The following BRAF variants were observed in gnomAD, a reference collection of about 807,000 sequenced individuals.
BRAF encodes serine/threonine-protein kinase B-raf.
A neutral mutation model predicts 104.6 loss-of-function variants in BRAF; 16 were observed. The ratio of observed to expected loss-of-function variants is 0.15; its 90% CI spans 0.10 to 0.23. The LOEUF is 0.23. BRAF is among the 10% of genes least tolerant of loss of function. The pLI, the probability that BRAF is intolerant of heterozygous loss-of-function variation, is 1.00. For synonymous variants in BRAF, 310 were observed against 341.6 expected (o/e 0.91, Z 1.02); for missense variants, 541 against 937.3 (o/e 0.58, Z 5.52).
rs547790663 is a variant in BRAF, at chr7:140,847,507, T to C, written c.240+2604A>G. Among the ~76,000 whole-genome samples the C allele has an allele frequency of 1.1e-4, 16 of 151,690 alleles. No homozygotes were observed. The South Asian group carries it at 1.5e-3, about 14-fold the overall frequency. Reference sequence around the variant, plus strand: ...CTGAGGTAGGAAAATTGCTTGAACCTGGGAGGTGGAGGTTGCAGTGAGCCA... The same window carrying C: ...CTGAGGTAGGAAAATTGCTTGAACCCGGGAGGTGGAGGTTGCAGTGAGCCA... On this transcript the variant is annotated intron_variant, in intron 2 of 19. Coordinates refer to ENST00000644969, the MANE Select transcript of BRAF (RefSeq NM_001374258.1).
chr7:140,914,896 C>G (rs561115164), intron 1 of BRAF, among the ~76,000 whole-genome samples: 1 of 136,890 alleles, frequency 7.3e-6, no homozygotes, highest in African/African-American at 2.7e-5. Context: ...AAAAATTAGC[C>G]GGGCATGGTG....
chr7:140,794,245 A>G, intron 8 of BRAF, 63 bp downstream of exon 8: 1 of 1,578,062 alleles, frequency 6.3e-7, no homozygotes, highest in Non-Finnish European at 8.7e-7. Context: ...AGTTATAATT[A>G]TAGCAGAAAA....
At chr7:140,903,001 C>T (rs916751481) in intron 1 of BRAF, among the ~76,000 whole-genome samples, 2 of 150,982 alleles carry the variant, frequency 1.3e-5, no homozygotes, top group African/African-American at 2.4e-5. Context: ...CTCGGCTCAC[C>T]GCAACCTCTG....
Position 140,723,122 on chromosome 7 carries a change from G to C in BRAF, c.*3372C>G. ...CACCTGAACCCTGCAATGTGGTTTC[G>C]AACTAAAGCTAGAGATGAGGTTTGC... On this transcript the variant is annotated 3_prime_UTR_variant, in exon 20 of 20. Transcript: ENST00000644969. 1 of 1,050,956 alleles carries C rather than the reference G, an allele frequency of 9.5e-7. No individual in the cohort carries two copies. The highest frequency in any genetic ancestry group is 1.1e-6 in the Non-Finnish European group (1 of 870,428). 65.1% of individuals were successfully genotyped at this position (1,050,956 alleles called of 1,614,324 possible).
intron 1 of BRAF, among the ~76,000 whole-genome samples, chr7:140,887,739 G>A (rs2129111456): frequency 6.6e-6 from 1 of 152,170 alleles, no homozygotes; most frequent in African/African-American, 2.4e-5. Context: ...TTGAGATGTA[G>A]GGTTTCACTC....
chr7:140,874,845 T>C (rs1030673146), intron 1 of BRAF, among the ~76,000 whole-genome samples: 1 of 152,208 alleles, frequency 6.6e-6, no homozygotes, highest in Non-Finnish European at 1.5e-5. Flanking sequence ...CGGTTTCCCA[T>C]GGCTTAACAC....
At chr7:140,920,149 T>C (rs1465445874) in intron 1 of BRAF, among the ~76,000 whole-genome samples, 1 of 152,008 alleles carries the variant, frequency 6.6e-6, no homozygotes, top group African/African-American at 2.4e-5. Context: ...TTAAGGACAA[T>C]ATGAGGCAGA....
chr7:140,828,566 T>G (rs1221920108), intron 3 of BRAF, among the ~76,000 whole-genome samples: 1 of 152,186 alleles, frequency 6.6e-6, no homozygotes, highest in East Asian at 1.9e-4. Context: ...ACAGCTTTCC[T>G]TTTCTCAATT....
At position 140,815,138 on chromosome 7, in the gene BRAF, C is replaced by T. The variant is rs533637771; in HGVS notation, c.505-6143G>A. On this transcript the variant is annotated intron_variant, in intron 3 of 19. Transcript: ENST00000644969. The stretch of plus-strand genomic sequence containing the variant: ...TTTTTTGGGACTATTACATCAATTA[C>T]ATTTTTTTTTTTTTTTTGAGACAGA... 4.1e-4 allele frequency among the ~76,000 whole-genome samples: 61 copies of T among 150,404 alleles called. 1 individual carries two copies. Among genetic ancestry groups the T allele is most frequent in the South Asian group, 2.9e-3 (14 of 4,776 alleles).
chr7:140,846,116 T>A (rs1018006978), intron 2 of BRAF, among the ~76,000 whole-genome samples: 1 of 151,806 alleles, frequency 6.6e-6, no homozygotes, highest in African/African-American at 2.4e-5. Context: ...CCAGAAAAAA[T>A]AATCATAAAA....
At position 140,756,631 on chromosome 7, in the gene BRAF, A is replaced by G. The variant is rs1299404856; in HGVS notation, c.1815-2398T>C. Reference sequence around the variant, plus strand: ...AAGGGAACAAGAATATATCAACTTTACTTTGCCATATATGACACAGAAGTC... The same window carrying G: ...AAGGGAACAAGAATATATCAACTTTGCTTTGCCATATATGACACAGAAGTC... On this transcript the variant is annotated intron_variant, in intron 14 of 19. Coordinates refer to ENST00000644969, the MANE Select transcript of BRAF (RefSeq NM_001374258.1). 3.9e-5 allele frequency among the ~76,000 whole-genome samples: 6 copies of G among 152,296 alleles called. No individual in the cohort carries two copies. The East Asian group carries it at 1.2e-3, about 29-fold the overall frequency.
At chr7:140,767,582 G>C (rs890860555) in intron 14 of BRAF, among the ~76,000 whole-genome samples, 13 of 152,178 alleles carry the variant, frequency 8.5e-5, no homozygotes, top group Non-Finnish European at 1.5e-5. Context: ...GAGGCTTAAG[G>C]ATATGAGGTT....
chr7:140,873,525 A>G (rs1811854410), intron 1 of BRAF, among the ~76,000 whole-genome samples: 1 of 151,952 alleles, frequency 6.6e-6, no homozygotes, highest in Admixed American at 6.5e-5. Flanking sequence ...TGACTGACCA[A>G]TCTCTCCCTC....
chr7:140,780,853 T>A (rs986451748), intron 12 of BRAF: 7 of 152,236 alleles, frequency 4.6e-5, no homozygotes, highest in Non-Finnish European at 7.3e-5. Flanking sequence ...CAAATAATGA[T>A]GTCTATTTTT....
chr7:140,859,980 C>T (rs930124861), intron 1 of BRAF, among the ~76,000 whole-genome samples: 47 of 152,208 alleles, frequency 3.1e-4, no homozygotes, highest in African/African-American at 1.1e-3. Context: ...AGCCACTGCG[C>T]CCAGCCTGAT....
intron 3 of BRAF, among the ~76,000 whole-genome samples, chr7:140,811,186 A>C (rs909245160): frequency 1.3e-5 from 2 of 152,238 alleles, no homozygotes; most frequent in African/African-American, 4.8e-5. Flanking sequence ...AAATGTGACT[A>C]GAGGCTGGTA....
intron 1 of BRAF, among the ~76,000 whole-genome samples, chr7:140,859,844 T>C (rs899712859): frequency 3.9e-5 from 6 of 152,068 alleles, no homozygotes; most frequent in Non-Finnish European, 7.4e-5. Context: ...CACACCACCA[T>C]GCCCAGCTAA....
At chr7:140,763,456 C>A (rs533330814) in intron 14 of BRAF, among the ~76,000 whole-genome samples, 3 of 151,994 alleles carry the variant, frequency 2.0e-5, no homozygotes, top group Non-Finnish European at 4.4e-5. Flanking sequence ...GCTGGCTGGG[C>A]GGGGGGCTGA....
At chr7:140,714,904 G>A (rs1795103588), downstream of BRAF, among the ~76,000 whole-genome samples, 1 of 152,126 alleles carries the variant, frequency 6.6e-6, no homozygotes, top group Non-Finnish European at 1.5e-5. Context: ...AGTAGGAGGA[G>A]CCAGTTGTGC....
Sources: allele counts gnomAD v4.1 joint callset (sites outside exome capture counted in the v4.1 genomes callset), GRCh38; gene constraint gnomAD v4.1.1; transcripts MANE v1.5; gene names NCBI Gene and HGNC (gene_info 2026-07-23, HGNC 2026-07-21).